Variants in GRIK1 observed in about 807,000 individuals in gnomAD.
The protein encoded by GRIK1 is glutamate ionotropic receptor kainate type subunit 1.
GRIK1 carries 69 observed loss-of-function variants against 105.7 expected under a neutral mutation model. That is an observed-to-expected ratio of 0.65 (90% CI 0.54 to 0.80). The LOEUF (loss-of-function observed/expected upper bound fraction) is 0.80. GRIK1 is among the 30% of genes least tolerant of loss of function. The probability of loss-of-function intolerance (pLI) is 0.00; values close to 1 mark genes in which losing one functional copy is unlikely to be tolerated. For missense variants in GRIK1, 1,109 were observed against 1,167.3 expected (o/e 0.95, Z 0.73); for synonymous variants, 438 against 431.3 (o/e 1.02, Z -0.19).
At chr21:29,898,378 G>A (rs2070254399) in intron 1 of GRIK1, among the ~76,000 whole-genome samples, 2 of 152,194 alleles carry the variant, frequency 1.3e-5, no homozygotes, top group African/African-American at 2.4e-5. Flanking sequence ...AGGAAAGGCT[G>A]ACAGAAGGGA....
chr21:29,606,803 GTC>G (rs558628014), intron 7 of GRIK1, among the ~76,000 whole-genome samples: 5,904 of 152,024 alleles, frequency 0.039, 240 homozygotes, highest in East Asian at 0.13. Context: ...TTCTTGTCTT[GTC>G]TTGTCTTGTC....
rs71335089 is a variant in GRIK1, at chr21:29,719,081, C to CATATATATATATATAT, written c.119-25034_119-25019dup. Among the ~76,000 whole-genome samples, 117 of 143,320 alleles carry CATATATATATATATAT rather than the reference C, an allele frequency of 8.2e-4. 1 individual carries two copies. Among genetic ancestry groups the CATATATATATATATAT allele is most frequent in the Non-Finnish European group, 1.5e-3 (99 of 66,030 alleles). 94.0% of individuals were successfully genotyped at this position (143,320 alleles called of 152,430 possible). ...GTAGAAAGGTGTGTGTGTGTATATA[C>CATATATATATATATAT]ATATATATATATATATATATGATTG... On this transcript the variant is annotated intron_variant, in intron 1 of 17. Coordinates refer to ENST00000327783, the MANE Select transcript of GRIK1 (RefSeq NM_001330994.2).
In GRIK1 at chr21:29,586,736, A is replaced by G. The variant is rs1254355193; in HGVS notation, c.1793+630T>C. 2.6e-5 allele frequency among the ~76,000 whole-genome samples: 4 copies of G among 152,210 alleles called. No homozygotes were observed. In the East Asian group the frequency reaches 7.7e-4, roughly 29 times the overall value. ...GCAAAATGGTTAAATACAGAGTTAA[A>G]TCTCGAAAAGTAAAACCTCAATTGA... On this transcript the variant is annotated intron_variant, in intron 12 of 17. Transcript: ENST00000327783.
intron 1 of GRIK1, among the ~76,000 whole-genome samples, chr21:29,738,242 T>G (rs8128094): frequency 0.08 from 12,125 of 152,278 alleles, 950 homozygotes; most frequent in African/African-American, 0.19. Context: ...CTTTATCTGT[T>G]TGTGTGGGGT....
intron 6 of GRIK1, among the ~76,000 whole-genome samples, chr21:29,647,965 ATTG>A (rs1458395080): frequency 1.3e-5 from 2 of 152,016 alleles, no homozygotes; most frequent in Non-Finnish European, 2.9e-5. Context: ...AATTAATTCT[ATTG>A]TTCTTAAGTC....
At chr21:29,632,842 A>G (rs1032938751) in intron 7 of GRIK1, among the ~76,000 whole-genome samples, 3 of 152,036 alleles carry the variant, frequency 2.0e-5, no homozygotes, top group African/African-American at 7.2e-5. Flanking sequence ...TGAGGCCAAC[A>G]CTCCCTTGCA....
intron 1 of GRIK1, among the ~76,000 whole-genome samples, chr21:29,726,429 C>T (rs565440409): frequency 6.6e-6 from 1 of 152,172 alleles, no homozygotes; most frequent in Non-Finnish European, 1.5e-5. Flanking sequence ...AATATGTGAG[C>T]TTCAACATGT....
chr21:29,930,616 A>T (rs2071533873), intron 1 of GRIK1, among the ~76,000 whole-genome samples: 1 of 152,236 alleles, frequency 6.6e-6, no homozygotes, highest in South Asian at 2.1e-4. Context: ...ACAGAATGTT[A>T]CAATGCTTGC....
intron 1 of GRIK1, among the ~76,000 whole-genome samples, chr21:29,733,040 G>T (rs989410067): frequency 6.6e-6 from 1 of 152,008 alleles, no homozygotes; most frequent in Non-Finnish European, 1.5e-5. Flanking sequence ...TGAAATTTAT[G>T]TTTTACTTCT....
chr21:29,696,385 C>T (rs757337777), intron 1 of GRIK1, among the ~76,000 whole-genome samples: 25 of 152,150 alleles, frequency 1.6e-4, no homozygotes, highest in Admixed American at 5.9e-4. Flanking sequence ...TTGAAATGAA[C>T]GTAAGGAAAA....
chr21:29,578,877 A>G lies in GRIK1; in HGVS notation c.1913-1696T>C. 2.6e-5 allele frequency among the ~76,000 whole-genome samples: 4 copies of G among 152,298 alleles called. 1 individual carries two copies. Among genetic ancestry groups the G allele is most frequent in the Middle Eastern group, 6.8e-3 (2 of 294 alleles). ...TTTAGTTGGTTATCATTAAAATACC[A>G]TTTATTTCATAAAATAGCCATAGGA... On this transcript the variant is annotated intron_variant, in intron 13 of 17. Coordinates refer to ENST00000327783, the MANE Select transcript of GRIK1 (RefSeq NM_001330994.2).
intron 7 of GRIK1, among the ~76,000 whole-genome samples, chr21:29,621,381 T>C (rs1048823020): frequency 4.6e-5 from 7 of 152,042 alleles, no homozygotes; most frequent in East Asian, 1.9e-4. Flanking sequence ...TAAATATTCA[T>C]TGGGCCTGAG....
intron 1 of GRIK1, among the ~76,000 whole-genome samples, chr21:29,936,936 A>G (rs1385194305): frequency 6.6e-6 from 1 of 152,200 alleles, no homozygotes; most frequent in Non-Finnish European, 1.5e-5. Flanking sequence ...AAGTCACTAA[A>G]AAACATGCCA....
At chr21:29,818,878 C>G (rs1387929522) in intron 1 of GRIK1, among the ~76,000 whole-genome samples, 1 of 152,014 alleles carries the variant, frequency 6.6e-6, no homozygotes, top group Non-Finnish European at 1.5e-5. Flanking sequence ...GAAAACTGAC[C>G]TATGAATGTG....
At chr21:29,776,067 A>G (rs891609881) in intron 1 of GRIK1, among the ~76,000 whole-genome samples, 1 of 152,210 alleles carries the variant, frequency 6.6e-6, no homozygotes, top group African/African-American at 2.4e-5. Context: ...TGCAGAAGGA[A>G]CTACCAAACA....
chr21:29,725,133 G>A lies in GRIK1; in HGVS notation c.119-31070C>T, dbSNP rs141471654. Among the ~76,000 whole-genome samples, 1,206 of 152,138 alleles carry A rather than the reference G, an allele frequency of 7.9e-3. 15 individuals are homozygous for A. The highest frequency in any genetic ancestry group is 0.027 in the African/African-American group (1,127 of 41,502). ...CTGGAGAAGTGTGTTCTCATTGAAT[G>A]CTCAACTGCAAGCGATTGCGAACAA... is the stretch of plus-strand genomic sequence containing the variant. On this transcript the variant is annotated intron_variant, in intron 1 of 17. Transcript: ENST00000327783.
chr21:29,877,860 C>T (rs1163489114), intron 1 of GRIK1, among the ~76,000 whole-genome samples: 1 of 152,108 alleles, frequency 6.6e-6, no homozygotes, highest in Non-Finnish European at 1.5e-5. Flanking sequence ...GAGAAAGTCA[C>T]CTTCTCCATG....
chr21:29,585,573 A>G (rs973672102), intron 12 of GRIK1, among the ~76,000 whole-genome samples: 1 of 152,102 alleles, frequency 6.6e-6, no homozygotes, highest in African/African-American at 2.4e-5. Flanking sequence ...CAAAATATGG[A>G]AACTCACTTT....
intron 7 of GRIK1, among the ~76,000 whole-genome samples, chr21:29,635,817 C>T (rs968591908): frequency 6.6e-6 from 1 of 152,098 alleles, no homozygotes; most frequent in African/African-American, 2.4e-5. Context: ...GCAGAGAGAG[C>T]ATGAGGTGTA....
Sources: gnomAD v4.1 joint callset for allele counts (sites outside exome capture counted in the v4.1 genomes callset) on GRCh38, gnomAD v4.1.1 for gene constraint, MANE v1.5 for transcripts, NCBI Gene and HGNC (gene_info 2026-07-23, HGNC 2026-07-21) for gene names.